The following MC2R variants were observed in gnomAD, a reference collection of about 807,000 sequenced individuals.
The protein encoded by MC2R is melanocortin 2 receptor, also known as adrenocorticotropic hormone receptor.
Under a neutral mutation model 9.8 loss-of-function variants are expected in MC2R, and 9 were observed. The observed-to-expected ratio is 0.92, with a 90% CI of 0.55 to 1.60. The LOEUF (loss-of-function observed/expected upper bound fraction) is 1.60, where lower values mean the gene tolerates loss of function less well. MC2R is among the 40% of genes most tolerant of loss of function. The pLI is 0.00. For synonymous variants in MC2R, 185 were observed against 154.7 expected (o/e 1.20, Z -1.45); for missense variants, 370 against 389.0 (o/e 0.95, Z 0.41).
At chr18:13,892,843 CA>C (rs1361605243) in intron 1 of MC2R, among the ~76,000 whole-genome samples, 4 of 139,158 alleles carry the variant, frequency 2.9e-5, no homozygotes, top group African/African-American at 1.0e-4. Context: ...CACACACACA[CA>C]CACCACACAC....
At chr18:13,892,519 C>A (rs1475638015) in intron 1 of MC2R, among the ~76,000 whole-genome samples, 1 of 152,176 alleles carries the variant, frequency 6.6e-6, no homozygotes, top group African/African-American at 2.4e-5. Flanking sequence ...GCCCAGCTCA[C>A]CTTGGCTCAT....
intron 1 of MC2R, among the ~76,000 whole-genome samples, chr18:13,893,092 G>T (rs1048808999): frequency 6.6e-6 from 1 of 152,186 alleles, no homozygotes; most frequent in Non-Finnish European, 1.5e-5. Context: ...TTCTCCTTCA[G>T]GAGCCCCCAC....
At chr18:13,899,820 T>C (rs1346757545) in intron 1 of MC2R, among the ~76,000 whole-genome samples, 2 of 151,594 alleles carry the variant, frequency 1.3e-5, no homozygotes, top group Non-Finnish European at 2.9e-5. Flanking sequence ...GCTAAGAGAG[T>C]TCATCAACAC....
chr18:13,903,856 A>T (rs1046328778), intron 1 of MC2R, among the ~76,000 whole-genome samples: 2 of 152,232 alleles, frequency 1.3e-5, no homozygotes, highest in African/African-American at 4.8e-5. Context: ...GAAAAATTTA[A>T]AAAACAACAA....
At chr18:13,897,957 C>A (rs2045356567) in intron 1 of MC2R, among the ~76,000 whole-genome samples, 1 of 151,938 alleles carries the variant, frequency 6.6e-6, no homozygotes, top group Non-Finnish European at 1.5e-5. Context: ...GCTGTGGTAG[C>A]TATGGGGTGA....
At chr18:13,913,250 T>C (rs927664587) in intron 1 of MC2R, among the ~76,000 whole-genome samples, 1 of 152,082 alleles carries the variant, frequency 6.6e-6, no homozygotes, top group Non-Finnish European at 1.5e-5. Flanking sequence ...GACCACCACC[T>C]TCCACCCGCT....
chr18:13,882,556 A>G lies in MC2R; in HGVS notation c.*2069T>C, dbSNP rs1247957713. On this transcript the variant is annotated 3_prime_UTR_variant, in exon 2 of 2. Coordinates refer to ENST00000327606, the MANE Select transcript of MC2R (RefSeq NM_000529.2). ...TTTCCTTCTGACAACAGTCACATGC[A>G]CAGCAGAGAGCTTGAGAGTGATTAG... 2 of 152,220 alleles carry G rather than the reference A, an allele frequency of 1.3e-5. No individual in the cohort carries two copies. Among genetic ancestry groups the G allele is most frequent in the African/African-American group, 2.4e-5 (1 of 41,472 alleles). 9.4% of individuals were successfully genotyped at this position (152,220 alleles called of 1,614,324 possible).
At chr18:13,889,330 A>C (rs939133866) in intron 1 of MC2R, among the ~76,000 whole-genome samples, 14 of 152,218 alleles carry the variant, frequency 9.2e-5, no homozygotes, top group African/African-American at 3.1e-4. Context: ...GGAGGCAGAG[A>C]TGGGGTGGTG....
chr18:13,885,131 T>C lies in MC2R; in HGVS notation c.388A>G (p.Ile130Val), dbSNP rs1448926981. 1 of 1,613,962 alleles carries C rather than the reference T, an allele frequency of 6.2e-7. No homozygotes were observed. Among genetic ancestry groups the C allele is most frequent in the African/African-American group, 1.3e-5 (1 of 74,886 alleles). Reference protein sequence around the residue: ...SLSVIAADRYITIFHALRYHS... With the variant: ...SLSVIAADRYVTIFHALRYHS... ...TACCGCAGTGCGTGGAAGATGGTGA[T>C]GTAGCGGTCCGCAGCAATCACAGAC... Residue 130 changes from isoleucine (I) to valine (V), a missense_variant, in exon 2 of 2, where the codon ATC becomes GTC. By Grantham distance (29) the Ile-to-Val change is conservative. Transcript: ENST00000327606.
chr18:13,891,274 T>G (rs940653248), intron 1 of MC2R, among the ~76,000 whole-genome samples: 1 of 152,234 alleles, frequency 6.6e-6, no homozygotes, highest in Non-Finnish European at 1.5e-5. Flanking sequence ...TCTTTCCTTC[T>G]TCCACTGCAT....
At chr18:13,886,314 C>T (rs921599583) in intron 1 of MC2R, among the ~76,000 whole-genome samples, 1 of 152,222 alleles carries the variant, frequency 6.6e-6, no homozygotes, top group Non-Finnish European at 1.5e-5. Flanking sequence ...GAATTTTGAG[C>T]CGAGAGATGA....
chr18:13,894,230 AC>A (rs2045333681), intron 1 of MC2R, among the ~76,000 whole-genome samples: 1 of 151,978 alleles, frequency 6.6e-6, no homozygotes, highest in Non-Finnish European at 1.5e-5. Context: ...GTGACAGGTG[AC>A]CTTTTGTTCT....
At position 13,893,066 on chromosome 18, in the gene MC2R, TG is replaced by T. The variant is rs1166190708; in HGVS notation, c.-128-7421del. Among the ~76,000 whole-genome samples, 6 of 152,360 alleles carry T rather than the reference TG, an allele frequency of 3.9e-5. No homozygotes were observed. In the East Asian group the frequency reaches 1.2e-3, roughly 29 times the overall value. ...ATAACAGATCTCAATCTTCAGTTCATGTGCAGTGAACTATTTTCTCCTTCAG... is the reference window on the plus strand; with the variant it reads ...ATAACAGATCTCAATCTTCAGTTCATTGCAGTGAACTATTTTCTCCTTCAG... On this transcript the variant is annotated intron_variant, in intron 1 of 1. Transcript: ENST00000327606.
intron 1 of MC2R, among the ~76,000 whole-genome samples, chr18:13,903,025 G>C (rs1313121260): frequency 6.6e-6 from 1 of 152,060 alleles, no homozygotes; most frequent in Non-Finnish European, 1.5e-5. Flanking sequence ...TTTTAAAATG[G>C]GCAGAAGATT....
At chr18:13,890,585 G>A (rs2045310064) in intron 1 of MC2R, among the ~76,000 whole-genome samples, 3 of 152,120 alleles carry the variant, frequency 2.0e-5, no homozygotes, top group African/African-American at 7.2e-5. Context: ...TGAATCAGGA[G>A]CTCCTCTCCG....
At chr18:13,893,456 GAAGGGTCTTGAAGGTGCCC>G (rs2045328850) in intron 1 of MC2R, among the ~76,000 whole-genome samples, 1 of 152,174 alleles carries the variant, frequency 6.6e-6, no homozygotes, top group Non-Finnish European at 1.5e-5. Context: ...CTGTGAAGTA[GAAGGGTCTTGAAGGTGCCC>G]AAGCTCATCA....
At chr18:13,887,324 G>A (rs990534943) in intron 1 of MC2R, among the ~76,000 whole-genome samples, 2 of 110,342 alleles carry the variant, frequency 1.8e-5, no homozygotes, top group African/African-American at 3.2e-5. Context: ...AAGCCTCAGG[G>A]ATGGCAGGGG....
chr18:13,894,648 G>A (rs368661358), intron 1 of MC2R, among the ~76,000 whole-genome samples: 19 of 152,292 alleles, frequency 1.2e-4, no homozygotes, highest in East Asian at 9.6e-4. Flanking sequence ...GGCACTTACA[G>A]CTCTGTACAA....
chr18:13,908,742 G>GTGTGTGTT (rs374637581), intron 1 of MC2R, among the ~76,000 whole-genome samples: 1 of 148,314 alleles, frequency 6.7e-6, no homozygotes, highest in Non-Finnish European at 1.5e-5. Context: ...GTGTGTGTGT[G>GTGTGTGTT]TATTTCAAGC....
Sources: allele counts gnomAD v4.1 joint callset (sites outside exome capture counted in the v4.1 genomes callset), GRCh38; gene constraint gnomAD v4.1.1; transcripts MANE v1.5; gene names NCBI Gene and HGNC (gene_info 2026-07-23, HGNC 2026-07-21).